Variants in RUNDC3B observed in about 807,000 individuals in gnomAD.
The protein encoded by RUNDC3B is RUN domain containing 3B, also known as RUN domain-containing protein 3B.
A neutral mutation model predicts 58.4 loss-of-function variants in RUNDC3B; 33 were observed. That is an observed-to-expected ratio of 0.56 (90% CI 0.43 to 0.75). RUNDC3B has a LOEUF of 0.75. RUNDC3B is among the 30% of genes least tolerant of loss of function. The pLI is 0.00. For missense variants in RUNDC3B, 501 were observed against 535.7 expected, an observed-to-expected ratio of 0.94 and a Z score of 0.64; for synonymous variants, 193 against 195.2, an observed-to-expected ratio of 0.99 and a Z score of 0.10.
At chr7:87,670,886 G>C (rs1825758414) in intron 2 of RUNDC3B, among the ~76,000 whole-genome samples, 1 of 152,192 alleles carries the variant, frequency 6.6e-6, no homozygotes, top group South Asian at 2.1e-4. Context: ...TGTTCTGAAA[G>C]TGTGAGTTTC....
chr7:87,652,091 G>A (rs143745596), intron 2 of RUNDC3B, among the ~76,000 whole-genome samples: 2 of 152,072 alleles, frequency 1.3e-5, no homozygotes, highest in African/African-American at 2.4e-5. Flanking sequence ...TGTGATGATC[G>A]TATTTTTAAA....
intron 2 of RUNDC3B, among the ~76,000 whole-genome samples, chr7:87,685,229 T>C (rs1212231171): frequency 6.6e-6 from 1 of 152,130 alleles, no homozygotes; most frequent in East Asian, 1.9e-4. Context: ...AGAATTGCTA[T>C]AAAAACCTTA....
At chr7:87,749,130 T>G (rs1273953978) in intron 6 of RUNDC3B, among the ~76,000 whole-genome samples, 2 of 152,162 alleles carry the variant, frequency 1.3e-5, no homozygotes, top group Non-Finnish European at 2.9e-5. Flanking sequence ...TAGAGTTTAG[T>G]AATCAATATG....
chr7:87,770,894 A>G (rs1031190579), intron 7 of RUNDC3B, 145 bp downstream of exon 7: 2 of 538,010 alleles, frequency 3.7e-6, no homozygotes, highest in South Asian at 8.6e-5. Context: ...TCTTAATGAA[A>G]AATCAGGCAA....
At chr7:87,697,033 C>T (rs1163001897) in intron 2 of RUNDC3B, among the ~76,000 whole-genome samples, 1 of 152,154 alleles carries the variant, frequency 6.6e-6, no homozygotes, top group African/African-American at 2.4e-5. Context: ...AAACATCCTA[C>T]AAGTTATTTT....
chr7:87,674,503 T>A (rs1348113512), intron 2 of RUNDC3B, among the ~76,000 whole-genome samples: 2 of 152,036 alleles, frequency 1.3e-5, no homozygotes, highest in African/African-American at 2.4e-5. Flanking sequence ...CACATACATG[T>A]ACCAGCATGG....
chr7:87,777,749 T>C, intron 7 of RUNDC3B, 49 bp from the exon 8 acceptor site: 1 of 1,473,504 alleles, frequency 6.8e-7, no homozygotes, highest in East Asian at 2.3e-5. Flanking sequence ...CTTCAGGATA[T>C]GTATTAGAAT....
At chr7:87,665,115 A>G (rs1302095097) in intron 2 of RUNDC3B, among the ~76,000 whole-genome samples, 1 of 152,160 alleles carries the variant, frequency 6.6e-6, no homozygotes, top group African/African-American at 2.4e-5. Context: ...TATGCAAGAA[A>G]AATAAATAAA....
intron 6 of RUNDC3B, among the ~76,000 whole-genome samples, chr7:87,750,759 A>G (rs1452910499): frequency 6.6e-6 from 1 of 150,412 alleles, no homozygotes; most frequent in African/African-American, 2.4e-5. Context: ...GTTGGAGTTC[A>G]TTGTAGATTC....
chr7:87,825,421 A>C (rs901232367), intron 10 of RUNDC3B, among the ~76,000 whole-genome samples: 7 of 152,134 alleles, frequency 4.6e-5, no homozygotes, highest in African/African-American at 1.4e-4. Flanking sequence ...ACCTCTGCCT[A>C]GATTTCAGAA....
intron 1 of RUNDC3B, among the ~76,000 whole-genome samples, chr7:87,629,640 C>T (rs1820996288): frequency 6.6e-6 from 1 of 151,960 alleles, no homozygotes; most frequent in Non-Finnish European, 1.5e-5. Flanking sequence ...AGAATAATTA[C>T]TATTGGGCCG....
At chr7:87,749,619 T>C (rs1470001429) in intron 6 of RUNDC3B, among the ~76,000 whole-genome samples, 1 of 152,156 alleles carries the variant, frequency 6.6e-6, no homozygotes, top group East Asian at 1.9e-4. Flanking sequence ...GACACATTTT[T>C]TAAAAATCTA....
At chr7:87,690,850 A>G (rs1020723189) in intron 2 of RUNDC3B, among the ~76,000 whole-genome samples, 2 of 152,142 alleles carry the variant, frequency 1.3e-5, no homozygotes, top group Non-Finnish European at 2.9e-5. Flanking sequence ...AGACCATTTT[A>G]TCTAGGAGTC....
intron 3 of RUNDC3B, among the ~76,000 whole-genome samples, chr7:87,701,774 A>G (rs1269376800): frequency 6.6e-6 from 1 of 152,192 alleles, no homozygotes; most frequent in Non-Finnish European, 1.5e-5. Flanking sequence ...AAAACAACAC[A>G]TTGTTACAGA....
chr7:87,829,570 C>A (rs758667124), intron 10 of RUNDC3B, among the ~76,000 whole-genome samples: 3 of 152,082 alleles, frequency 2.0e-5, no homozygotes, highest in Non-Finnish European at 2.9e-5. Context: ...TATAACAGCA[C>A]CTTTCTATTT....
At chr7:87,686,493 T>C (rs1280879454) in intron 2 of RUNDC3B, among the ~76,000 whole-genome samples, 1 of 152,186 alleles carries the variant, frequency 6.6e-6, no homozygotes, top group African/African-American at 2.4e-5. Flanking sequence ...ACTTTGATTA[T>C]TTATGGACTG....
At chr7:87,709,150 C>G (rs776090901) in intron 3 of RUNDC3B, 20 of 524,228 alleles carry the variant, frequency 3.8e-5, no homozygotes, top group Non-Finnish European at 4.6e-5. Flanking sequence ...CATTCAAATA[C>G]AGGAAACTAA....
intron 2 of RUNDC3B, 149 bp from the exon 3 acceptor site, chr7:87,700,272 T>G: frequency 1.7e-6 from 1 of 597,706 alleles, no homozygotes; most frequent in South Asian, 2.8e-5. Flanking sequence ...GGACTAGATT[T>G]GAGGCTTTTT....
At chr7:87,633,773 T>C (rs1037405570) in intron 1 of RUNDC3B, among the ~76,000 whole-genome samples, 9 of 152,194 alleles carry the variant, frequency 5.9e-5, no homozygotes, top group African/African-American at 1.9e-4. Context: ...AAAAACTGTC[T>C]AGTCTATGCT....
Sources: gnomAD v4.1 joint callset for allele counts (sites outside exome capture counted in the v4.1 genomes callset) on GRCh38, gnomAD v4.1.1 for gene constraint, MANE v1.5 for transcripts, NCBI Gene and HGNC (gene_info 2026-07-23, HGNC 2026-07-21) for gene names.